BCAS3: variants seen among roughly 807,000 people sequenced by gnomAD.
The protein encoded by BCAS3 is BCAS4/BCAS3 fusion.
Under a neutral mutation model 116.1 loss-of-function variants are expected in BCAS3, and 53 were observed. The observed-to-expected ratio is 0.46, with a 90% CI of 0.37 to 0.57. The LOEUF is 0.57. BCAS3 is among the 20% of genes least tolerant of loss of function. BCAS3 has a pLI of 0.00. For synonymous variants in BCAS3, 391 were observed against 408.2 expected (o/e 0.96, Z 0.51); for missense variants, 917 against 1,165.4 (o/e 0.79, Z 3.10).
intron 22 of BCAS3, chr17:61,245,464 C>G (rs891451142): frequency 6.6e-6 from 1 of 151,102 alleles, no homozygotes; most frequent in Non-Finnish European, 1.5e-5. Flanking sequence ...ATCCTCTCAC[C>G]TCAGCCCCCC....
chr17:60,762,406 C>T (rs1050031388), intron 6 of BCAS3, among the ~76,000 whole-genome samples: 2 of 152,146 alleles, frequency 1.3e-5, no homozygotes, highest in Non-Finnish European at 2.9e-5. Context: ...CCAGTTTCAG[C>T]TTTCTACATA....
Position 60,962,636 on chromosome 17 carries a change from T to C in BCAS3, c.1221+15284T>C, listed in dbSNP as rs1392868292. ...ACTTGAGCTCTTTATATATTATAGT[T>C]ATAAATTCTTTGTCAGATGGATAGT... is the stretch of plus-strand genomic sequence containing the variant. On this transcript the variant is annotated intron_variant, in intron 14 of 23. Coordinates refer to ENST00000407086, the MANE Select transcript of BCAS3 (RefSeq NM_017679.5). This position sits in a 1 kb window ranked among gnomAD's most constrained non-coding sequence, Gnocchi z 4.4. 6.6e-6 allele frequency among the ~76,000 whole-genome samples: 1 copy of C among 152,182 alleles called. No individual in the cohort carries two copies. Among genetic ancestry groups the C allele is most frequent in the Non-Finnish European group, 1.5e-5 (1 of 68,034 alleles).
intron 14 of BCAS3, among the ~76,000 whole-genome samples, chr17:60,976,950 G>A (rs1335046625): frequency 6.6e-6 from 1 of 152,078 alleles, no homozygotes; most frequent in Non-Finnish European, 1.5e-5. Flanking sequence ...ATGAGCTGTT[G>A]GATACACCTC....
At chr17:60,835,827 A>G (rs1270294025) in intron 7 of BCAS3, among the ~76,000 whole-genome samples, 1 of 152,120 alleles carries the variant, frequency 6.6e-6, no homozygotes, top group Non-Finnish European at 1.5e-5. Flanking sequence ...TACAGCAGTA[A>G]CAGATATTAG....
intron 10 of BCAS3, among the ~76,000 whole-genome samples, chr17:60,890,783 C>T (rs2057090042): frequency 2.0e-5 from 3 of 151,984 alleles, no homozygotes; most frequent in South Asian, 2.1e-4. Context: ...TTTTTGGTTT[C>T]GTTTTTGCTA....
At chr17:60,821,304 C>T (rs562209277) in intron 7 of BCAS3, among the ~76,000 whole-genome samples, 2 of 151,106 alleles carry the variant, frequency 1.3e-5, no homozygotes, top group South Asian at 4.1e-4. Flanking sequence ...ATAATTGTAG[C>T]AGGAAAGACT....
chr17:61,316,897 G>A lies in BCAS3; in HGVS notation c.2426-51430G>A, dbSNP rs937823282. ...TAAGGAATTCCTCGTGTATTTGATC[G>A]ATTTGTGCAAGAGGCTAACTCCAGC... On this transcript the variant is annotated intron_variant, in intron 22 of 23. Transcript: ENST00000407086. The surrounding 1 kb of genome is among the most constrained non-coding windows in gnomAD (Gnocchi z 5.8). Among the ~76,000 whole-genome samples, 10 of 152,066 alleles carry A rather than the reference G, an allele frequency of 6.6e-5. No homozygotes were observed. Among genetic ancestry groups the A allele is most frequent in the East Asian group, 1.9e-4 (1 of 5,192 alleles).
intron 22 of BCAS3, among the ~76,000 whole-genome samples, chr17:61,296,054 A>G (rs1177269083): frequency 6.6e-6 from 1 of 152,178 alleles, no homozygotes; most frequent in Non-Finnish European, 1.5e-5. Context: ...AGGGATATGA[A>G]AAGTTTCTTT....
chr17:60,976,106 C>T (rs1246294670), intron 14 of BCAS3, among the ~76,000 whole-genome samples: 2 of 127,278 alleles, frequency 1.6e-5, no homozygotes, highest in Non-Finnish European at 3.2e-5. Context: ...CAAGTGCAAG[C>T]TCTGCCTCCC....
chr17:60,684,407 G>C (rs1031417128), intron 3 of BCAS3, among the ~76,000 whole-genome samples: 2 of 152,044 alleles, frequency 1.3e-5, no homozygotes, highest in African/African-American at 4.8e-5. Flanking sequence ...GCTAAGTATT[G>C]TACCTGAACA....
intron 22 of BCAS3, among the ~76,000 whole-genome samples, chr17:61,154,734 G>A (rs571369113): frequency 2.0e-5 from 3 of 152,196 alleles, no homozygotes; most frequent in Non-Finnish European, 2.9e-5. Context: ...ATGAGCCACC[G>A]CGCCCAGCCT....
rs553969874 is a variant in BCAS3 at position 61,065,535 on chromosome 17, T to C, written c.2030-9385T>C. ...CTGAGCTGTTTCATTCAAGGCAGCA[T>C]GATGTCATTTAACTGCAAATTTCTC... On this transcript the variant is annotated intron_variant, in intron 19 of 23. Transcript: ENST00000407086. The surrounding 1 kb of genome is among the most constrained non-coding windows in gnomAD (Gnocchi z 4.8). Among the ~76,000 whole-genome samples, 1 of 152,312 alleles carries C rather than the reference T, an allele frequency of 6.6e-6. No individual in the cohort carries two copies. The highest frequency in any genetic ancestry group is 2.1e-4 in the South Asian group (1 of 4,816).
rs145276589 is a variant in BCAS3, at chr17:61,128,029, G to A, written c.2425+43465G>A. On this transcript the variant is annotated intron_variant, in intron 22 of 23. Coordinates refer to ENST00000407086, the MANE Select transcript of BCAS3 (RefSeq NM_017679.5). The surrounding 1 kb of genome is among the most constrained non-coding windows in gnomAD (Gnocchi z 4.1). ...GGCTTTGGGGAAGACATTCAGCAAA[G>A]AACACCACAATTCCCATTGAGCTCA... 5,460 of 228,614 alleles carry A rather than the reference G, an allele frequency of 0.024. 83 individuals carry two copies. Among genetic ancestry groups the A allele is most frequent in the Middle Eastern group, 0.041 (19 of 464 alleles). The allele number at this position is 228,614 out of a possible 1,614,324, so 14.2% of individuals were successfully genotyped here.
Position 60,961,499 on chromosome 17 carries a change from T to C in BCAS3, c.1221+14147T>C, listed in dbSNP as rs1310093187. Among the ~76,000 whole-genome samples the C allele has an allele frequency of 6.6e-6, 1 of 152,048 alleles. No homozygotes were observed. Among genetic ancestry groups the C allele is most frequent in the African/African-American group, 2.4e-5 (1 of 41,412 alleles). On this transcript the variant is annotated intron_variant, in intron 14 of 23. Transcript: ENST00000407086. This position sits in a 1 kb window ranked among gnomAD's most constrained non-coding sequence, Gnocchi z 4.8. ...AGATGTAGTAAATTATAAAAATTAT[T>C]TTATTTTTAAAATAAATTTTCAATT...
chr17:60,856,696 A>T (rs529618586), intron 7 of BCAS3, among the ~76,000 whole-genome samples: 2 of 152,118 alleles, frequency 1.3e-5, no homozygotes, highest in South Asian at 4.2e-4. Context: ...CTCCAAAAAA[A>T]TAAAAAAAAA....
intron 14 of BCAS3, 142 bp from the exon 15 acceptor site, chr17:60,989,829 G>C (rs2063410424): frequency 3.4e-6 from 3 of 882,792 alleles, no homozygotes; most frequent in Non-Finnish European, 5.2e-6. Context: ...CATCTGTAGA[G>C]TAAATTTTTA....
Position 61,029,712 on chromosome 17 carries a change from G to A in BCAS3, c.1638-4954G>A, listed in dbSNP as rs2066497040. 6.6e-6 allele frequency among the ~76,000 whole-genome samples: 1 copy of A among 151,774 alleles called. No homozygotes were observed. Among genetic ancestry groups the A allele is most frequent in the African/African-American group, 2.4e-5 (1 of 41,358 alleles). On this transcript the variant is annotated intron_variant, in intron 16 of 23. Transcript: ENST00000407086. This position sits in a 1 kb window ranked among gnomAD's most constrained non-coding sequence, Gnocchi z 5.2. ...TAAGTATATTTCTTCCTCATAAAAT[G>A]TTTTCATATTATATAAGGGTAAATT...
Position 61,032,540 on chromosome 17 carries a change from T to C in BCAS3, c.1638-2126T>C, listed in dbSNP as rs1039893516. On this transcript the variant is annotated intron_variant, in intron 16 of 23. Coordinates refer to ENST00000407086, the MANE Select transcript of BCAS3 (RefSeq NM_017679.5). The surrounding 1 kb of genome is among the most constrained non-coding windows in gnomAD (Gnocchi z 4.6). ...GAAATAAAAGCTTTGAAAGAAGCCT[T>C]ATATTCTCAGGTAATGCAACAGAGA... is the stretch of plus-strand genomic sequence containing the variant. 2.0e-5 allele frequency among the ~76,000 whole-genome samples: 3 copies of C among 152,118 alleles called. No homozygotes were observed. The highest frequency in any genetic ancestry group is 4.4e-5 in the Non-Finnish European group (3 of 67,990).
At chr17:61,195,798 C>T (rs1255917907) in intron 22 of BCAS3, among the ~76,000 whole-genome samples, 2 of 152,152 alleles carry the variant, frequency 1.3e-5, no homozygotes, top group African/African-American at 4.8e-5. Flanking sequence ...TATAAACTTT[C>T]CAGTTAATTG....
Sources: gnomAD v4.1 joint callset for allele counts (sites outside exome capture counted in the v4.1 genomes callset) on GRCh38, gnomAD v4.1.1 for gene constraint, Gnocchi (gnomAD v3.1) non-coding constraint, MANE v1.5 for transcripts, NCBI Gene and HGNC (gene_info 2026-07-23, HGNC 2026-07-21) for gene names.